Variants in FDXR observed in about 807,000 individuals in gnomAD.
FDXR encodes NADPH:adrenodoxin oxidoreductase, mitochondrial.
FDXR carries 38 observed loss-of-function variants against 58.3 expected under a neutral mutation model. The ratio of observed to expected loss-of-function variants is 0.65; its 90% CI spans 0.50 to 0.85. The LOEUF is 0.85. FDXR is among the 40% of genes least tolerant of loss of function. FDXR has a pLI of 0.00. For missense variants in FDXR, 624 were observed against 671.0 expected (o/e 0.93, Z 0.77); for synonymous variants, 275 against 273.8 (o/e 1.00, Z -0.04).
chr17:74,869,008 G>C (rs1431477391), intron 2 of FDXR, among the ~76,000 whole-genome samples: 2 of 151,890 alleles, frequency 1.3e-5, no homozygotes, highest in Admixed American at 6.6e-5. Context: ...CATCCACTCA[G>C]AGCCCAAGCT....
chr17:74,871,903 G>C (rs770040273), intron 2 of FDXR, 133 bp downstream of exon 2: 18 of 594,878 alleles, frequency 3.0e-5, no homozygotes, highest in Non-Finnish European at 4.9e-5. Context: ...CAAGTGGGAA[G>C]TGTCCAGGCC....
At chr17:74,871,025 ACTC>A (rs567581236) in intron 2 of FDXR, among the ~76,000 whole-genome samples, 190 of 151,292 alleles carry the variant, frequency 1.3e-3, no homozygotes, top group Middle Eastern at 3.5e-3. Flanking sequence ...CTGGTCTCAA[ACTC>A]CTGACTTCAA....
At chr17:74,867,063 T>A in intron 2 of FDXR, 187 bp from the exon 3 acceptor site, 1 of 1,333,866 alleles carries the variant, frequency 7.5e-7, no homozygotes, top group East Asian at 2.6e-5. Context: ...GCCCAGCACT[T>A]TGGGAGGCTG....
At chr17:74,866,713 G>A in intron 3 of FDXR, 71 bp downstream of exon 3, 12 of 1,592,666 alleles carry the variant, frequency 7.5e-6, no homozygotes, top group Non-Finnish European at 1.0e-5. Context: ...CATCCAGCCA[G>A]GGAGCCTCCC....
Position 74,866,690 on chromosome 17 carries a change from C to T in FDXR, c.270+94G>A. On this transcript the variant is annotated intron_variant, in intron 3 of 11. Coordinates refer to ENST00000293195, the MANE Select transcript of FDXR (RefSeq NM_024417.5). Reference sequence around the variant, plus strand: ...AGCTGGGTGGCATGGGCACAGACGGCATGAAGTCCTGTCATCCAGCCAGGG... The same window carrying T: ...AGCTGGGTGGCATGGGCACAGACGGTATGAAGTCCTGTCATCCAGCCAGGG... The T allele has an allele frequency of 3.2e-6, 5 of 1,581,358 alleles. No homozygotes were observed. In the South Asian group the frequency reaches 4.5e-5, roughly 14 times the overall value.
intron 6 of FDXR, 99 bp downstream of exon 6, chr17:74,865,620 C>T: frequency 1.3e-6 from 1 of 778,098 alleles, no homozygotes; most frequent in Non-Finnish European, 2.1e-6. Context: ...AGGCACTGAG[C>T]CCAGCTTGGA....
In FDXR at chr17:74,864,026, C is replaced by T. The variant is rs376746289; in HGVS notation, c.1044G>A (p.Met348Ile). Residue 348 changes from methionine to isoleucine, a missense_variant, in exon 10 of 12, where the codon ATG (methionine) becomes ATA (isoleucine). By Grantham distance (10) the Met-to-Ile change is conservative. Coordinates refer to ENST00000293195, the MANE Select transcript of FDXR (RefSeq NM_024417.5). ...EATRAVPTGD[M>I]EDLPCGLVLS... Reference sequence around the variant, plus strand: ...GCACCAGCCCACAAGGGAGGTCTTCCATGTCTCCCGTGGGCACTGCACGGG... The same window carrying T: ...GCACCAGCCCACAAGGGAGGTCTTCTATGTCTCCCGTGGGCACTGCACGGG... The T allele has an allele frequency of 8.7e-6, 14 of 1,613,906 alleles. No individual in the cohort carries two copies. The highest frequency in any genetic ancestry group is 1.2e-5 in the Non-Finnish European group (14 of 1,180,042).
Position 74,864,865 on chromosome 17 carries a change from C to A in FDXR, c.676G>T (p.Val226Leu), listed in dbSNP as rs751791983. 1 of 1,614,174 alleles carries A rather than the reference C, an allele frequency of 6.2e-7. No individual in the cohort carries two copies. Among genetic ancestry groups the A allele is most frequent in the South Asian group, 1.1e-5 (1 of 91,086 alleles). The change falls in exon 7 of 12, where the codon GTG (valine) becomes TTG (leucine). Residue 226 changes from valine (V) to leucine (L), a missense_variant. Physicochemically the swap from Val to Leu is conservative, Grantham distance 32 (BLOSUM62 1). Coordinates refer to ENST00000293195, the MANE Select transcript of FDXR (RefSeq NM_024417.5). ...RQSRVKTVWL[V>L]GRRGPLQVAF... The stretch of plus-strand genomic sequence containing the variant: ...ACTTGCAGGGGTCCACGCCGGCCCA[C>A]TAGCCACACTGTCTTCACTCGACTC...
At chr17:74,871,561 G>A (rs2038375617) in intron 2 of FDXR, among the ~76,000 whole-genome samples, 1 of 152,234 alleles carries the variant, frequency 6.6e-6, no homozygotes, top group South Asian at 2.1e-4. Flanking sequence ...GGAAGGGGGA[G>A]GGGCAGAGGG....
At chr17:74,869,265 G>A (rs575708707) in intron 2 of FDXR, among the ~76,000 whole-genome samples, 1 of 152,276 alleles carries the variant, frequency 6.6e-6, no homozygotes, top group East Asian at 1.9e-4. Context: ...GCTGACTCTT[G>A]GGCCCAGCCA....
Position 74,870,833 on chromosome 17 carries a change from C to G in FDXR, c.177+1203G>C, listed in dbSNP as rs535087463. ...TTTTTTTTTTTTTGAGACAGGGTCTCACTCTGTCGCCCAGGCTGGAGTACA... is the reference window on the plus strand; with the variant it reads ...TTTTTTTTTTTTTGAGACAGGGTCTGACTCTGTCGCCCAGGCTGGAGTACA... On this transcript the variant is annotated intron_variant, in intron 2 of 11. Transcript: ENST00000293195. 8.0e-5 allele frequency among the ~76,000 whole-genome samples: 10 copies of G among 125,726 alleles called. No individual in the cohort carries two copies. In the East Asian group the frequency reaches 2.4e-3, roughly 31 times the overall value. 82.5% of individuals were successfully genotyped at this position (125,726 alleles called of 152,430 possible).
chr17:74,862,718 C>A lies in FDXR; in HGVS notation c.*99G>T, dbSNP rs1012455715. 6 of 1,451,330 alleles carry A rather than the reference C, an allele frequency of 4.1e-6. No homozygotes were observed. Among genetic ancestry groups the A allele is most frequent in the South Asian group, 2.7e-5 (2 of 72,758 alleles). 89.9% of individuals were successfully genotyped at this position (1,451,330 alleles called of 1,614,324 possible). A position where few individuals can be genotyped will look rare whatever the true frequency, so the allele number is the denominator to read the frequency against. ...GCCAAGCCTCCAAGCCAGGGCCGGC[C>A]GGGATCAGCAGAGGTGCAAAGTCCC... On this transcript the variant is annotated 3_prime_UTR_variant, in exon 12 of 12. Coordinates refer to ENST00000293195, the MANE Select transcript of FDXR (RefSeq NM_024417.5).
intron 2 of FDXR, chr17:74,868,585 T>C (rs963434785): frequency 2.0e-6 from 3 of 1,535,560 alleles, no homozygotes; most frequent in Admixed American, 2.0e-5. Context: ...CGACAGATCC[T>C]TCACTCTGGG....
chr17:74,872,940 G>A lies in FDXR; in HGVS notation c.5C>T (p.Ala2Val), dbSNP rs756259973. Residue 2 changes from alanine (A) to valine (V), a missense_variant, in exon 1 of 12, where the codon GCT becomes GTT. Transcript: ENST00000293195. M[A>V]SRCWRWWGWS... ...GCCCCACCAGCGCCAGCAGCGCGAA[G>A]CCATGGCTGGGAGCAGCAACCTGCA... is the stretch of plus-strand genomic sequence containing the variant. 7 of 1,555,676 alleles carry A rather than the reference G, an allele frequency of 4.5e-6. No individual in the cohort carries two copies. Among genetic ancestry groups the A allele is most frequent in the South Asian group, 1.2e-5 (1 of 84,524 alleles).
Position 74,863,942 on chromosome 17 carries a change from C to G in FDXR, c.1128G>C (p.Lys376Asn). The change falls in exon 10 of 12, where the codon AAG becomes AAC. Residue 376 changes from lysine (K) to asparagine (N), a missense_variant. Lys to Asn is a moderately conservative substitution (Grantham distance 94, BLOSUM62 0). Transcript: ENST00000293195. ...CCTCCACATTGGGGATGACCCCAAG[C>G]TTGGAGTCAAAGGGCACGCTTGGGT... is the stretch of plus-strand genomic sequence containing the variant. The part of the protein sequence containing the change: ...PVDPSVPFDS[K>N]LGVIPNVEGR... The G allele has an allele frequency of 6.2e-7, 1 of 1,614,058 alleles. No homozygotes were observed. Among genetic ancestry groups the G allele is most frequent in the Non-Finnish European group, 8.5e-7 (1 of 1,179,998 alleles).
chr17:74,867,045 G>A lies in FDXR; in HGVS notation c.178-169C>T, dbSNP rs34998044. ...AGCACTCACTCCTTGGGTGGCTCGC[G>A]CCTGTCAGCCCAGCACTTTGGGAGG... On this transcript the variant is annotated intron_variant, in intron 2 of 11. Coordinates refer to ENST00000293195, the MANE Select transcript of FDXR (RefSeq NM_024417.5). 2.7e-3 allele frequency: 3,853 copies of A among 1,422,344 alleles called. 73 individuals are homozygous for A. In the African/African-American group the frequency reaches 0.035, roughly 13 times the overall value. 88.1% of individuals were successfully genotyped at this position (1,422,344 alleles called of 1,614,324 possible). A position where few individuals can be genotyped will look rare whatever the true frequency, so the allele number is the denominator to read the frequency against.
In FDXR at chr17:74,863,887, C is replaced by A; in HGVS notation, c.1174+9G>T. ...TAATTCAGCACCCAGCCTCCTCACACCCTCTCACCTGGCACATCCATAACC... is the reference window on the plus strand; with the variant it reads ...TAATTCAGCACCCAGCCTCCTCACAACCTCTCACCTGGCACATCCATAACC... On this transcript the variant is annotated intron_variant, in intron 10 of 11. Coordinates refer to ENST00000293195, the MANE Select transcript of FDXR (RefSeq NM_024417.5). 1 of 1,608,668 alleles carries A rather than the reference C, an allele frequency of 6.2e-7. No homozygotes were observed.
chr17:74,866,629 T>C, intron 3 of FDXR, 61 bp from the exon 4 acceptor site: 1 of 1,609,302 alleles, frequency 6.2e-7, no homozygotes, highest in Non-Finnish European at 8.5e-7. Flanking sequence ...GGACCAAGTC[T>C]GCACCACCCT....
chr17:74,870,137 G>C, intron 2 of FDXR: 1 of 341,788 alleles, frequency 2.9e-6, no homozygotes, highest in Non-Finnish European at 6.4e-6. Context: ...ATCAGAACAA[G>C]GATTGTACCT....
Sources: gnomAD v4.1 joint callset for allele counts (sites outside exome capture counted in the v4.1 genomes callset) on GRCh38, gnomAD v4.1.1 for gene constraint, MANE v1.5 for transcripts, NCBI Gene and HGNC (gene_info 2026-07-23, HGNC 2026-07-21) for gene names.